Variants in ATG7 observed in about 807,000 individuals in gnomAD.
The protein encoded by ATG7 is ubiquitin-like modifier-activating enzyme ATG7.
ATG7 carries 70 observed loss-of-function variants against 82.4 expected under a neutral mutation model. That is an observed-to-expected ratio of 0.85 (90% confidence interval 0.70 to 1.04). The LOEUF (loss-of-function observed/expected upper bound fraction) is 1.04, where lower values mean the gene tolerates loss of function less well. Ranked by LOEUF, ATG7 falls within the 50% of genes least tolerant of loss-of-function variation. The probability of loss-of-function intolerance (pLI) is 0.00; values close to 1 mark genes in which losing one functional copy is unlikely to be tolerated. For synonymous variants in ATG7, 287 were observed against 313.0 expected (o/e 0.92, Z 0.88); for missense variants, 792 against 864.3 (o/e 0.92, Z 1.05).
At chr3:11,412,134 CCTGA>C (rs2080964684) in intron 19 of ATG7, among the ~76,000 whole-genome samples, 1 of 152,150 alleles carries the variant, frequency 6.6e-6, no homozygotes, top group African/African-American at 2.4e-5. Flanking sequence ...AATCCATCTC[CCTGA>C]CTGACTAAAA....
chr3:11,568,571 C>A, the ATG7 span: 1 of 1,554,920 alleles, frequency 6.4e-7, no homozygotes, highest in Non-Finnish European at 8.7e-7. This position sits in a 1 kb window ranked among gnomAD's most constrained non-coding sequence, Gnocchi z 5.9. Context: ...GGAGAACTGG[C>A]TGGTTAATTT....
intron 20 of ATG7, among the ~76,000 whole-genome samples, chr3:11,497,951 C>G (rs1009184303): frequency 1.3e-5 from 2 of 152,124 alleles, no homozygotes; most frequent in African/African-American, 4.8e-5. Context: ...AAGACTGGAC[C>G]TGACTCGTCG....
rs191985805 is a variant in ATG7 at position 11,552,029 on chromosome 3, G to C, written c.2080-2782G>C. Among the ~76,000 whole-genome samples, 911 of 152,310 alleles carry C rather than the reference G, an allele frequency of 6.0e-3. 8 individuals are homozygous for C. The highest frequency in any genetic ancestry group is 8.8e-3 in the Non-Finnish European group (598 of 68,042). On this transcript the variant is annotated intron_variant, in intron 20 of 20. Transcript: ENST00000693202. ...CTCCCGAAGTGCTGGGATTACAGGC[G>C]TGCGCCACCACGCCCGGCCTCTTTC...
chr3:11,339,307 AAAAAAAG>A (rs1559425819), intron 11 of ATG7, among the ~76,000 whole-genome samples: 5 of 145,248 alleles, frequency 3.4e-5, no homozygotes, highest in Non-Finnish European at 3.0e-5. Context: ...AAAAAAAAAA[AAAAAAAG>A]AAAAGAAAAG....
intron 20 of ATG7, among the ~76,000 whole-genome samples, chr3:11,527,769 A>G (rs2092615368): frequency 6.6e-6 from 1 of 152,248 alleles, no homozygotes; most frequent in Non-Finnish European, 1.5e-5. Flanking sequence ...TAACACTCTT[A>G]GTTTTAATTT....
intron 20 of ATG7, among the ~76,000 whole-genome samples, chr3:11,474,607 C>G (rs1559699817): frequency 6.6e-6 from 1 of 151,902 alleles, no homozygotes; most frequent in Non-Finnish European, 1.5e-5. Flanking sequence ...CTCCCCATCT[C>G]AAAAAAAGAA....
chr3:11,358,482 C>T lies in ATG7; in HGVS notation c.1349C>T (p.Thr450Ile). ...PGHPVNFSSV[T>I]LEQARRDVEQ... ...CATCCAGTGAACTTCTCCAGTGTCA[C>T]TCTGGAGCAAGCCCGCAGAGATGTG... The change falls in exon 15 of 21, where the codon ACT (threonine) becomes ATT (isoleucine). Residue 450 changes from threonine to isoleucine, a missense_variant. Thr to Ile is a moderately conservative substitution (Grantham distance 89). Coordinates refer to ENST00000693202, the MANE Select transcript of ATG7 (RefSeq NM_001349232.2). 1.2e-6 allele frequency: 2 copies of T among 1,614,128 alleles called. No homozygotes were observed. Among genetic ancestry groups the T allele is most frequent in the Non-Finnish European group, 1.7e-6 (2 of 1,179,996 alleles).
chr3:11,548,364 C>T (rs910410634), intron 20 of ATG7, among the ~76,000 whole-genome samples: 14 of 151,954 alleles, frequency 9.2e-5, no homozygotes, highest in Admixed American at 7.9e-4. Context: ...TTAATAGTGT[C>T]CTTGGAAGCA....
chr3:11,572,962 G>GT, the ATG7 span, among the ~76,000 whole-genome samples: 1 of 152,204 alleles, frequency 6.6e-6, no homozygotes, highest in East Asian at 1.9e-4. Flanking sequence ...GAGGTCAGGA[G>GT]TTTGAGACCG....
intron 20 of ATG7, among the ~76,000 whole-genome samples, chr3:11,445,451 T>G (rs2084452109): frequency 6.6e-6 from 1 of 152,180 alleles, no homozygotes; most frequent in African/African-American, 2.4e-5. Context: ...TAATACCATA[T>G]GTTATCACTT....
intron 20 of ATG7, 121 bp from the exon 21 acceptor site, chr3:11,554,690 A>G: frequency 1.6e-6 from 2 of 1,228,284 alleles, no homozygotes; most frequent in Non-Finnish European, 1.1e-6. Context: ...ACAGTCCCTC[A>G]GAAACAAGGG....
intron 10 of ATG7, among the ~76,000 whole-genome samples, chr3:11,332,541 A>G (rs1463413589): frequency 6.6e-6 from 1 of 152,208 alleles, no homozygotes; most frequent in Non-Finnish European, 1.5e-5. Flanking sequence ...GTAAGTCTAC[A>G]CAGTGCAAAT....
At chr3:11,299,585 G>A (rs1559349653) in intron 5 of ATG7, among the ~76,000 whole-genome samples, 169 bp downstream of exon 5, 1 of 152,142 alleles carries the variant, frequency 6.6e-6, no homozygotes. Context: ...ATGAGTGCTG[G>A]ATACTTAGGT....
intron 8 of ATG7, among the ~76,000 whole-genome samples, chr3:11,314,689 C>T (rs966968007): frequency 6.6e-6 from 1 of 152,154 alleles, no homozygotes; most frequent in African/African-American, 2.4e-5. Context: ...AATTCCAGCA[C>T]TTTGGAACGC....
At chr3:11,378,892 A>G (rs1032080953) in intron 18 of ATG7, among the ~76,000 whole-genome samples, 4 of 151,912 alleles carry the variant, frequency 2.6e-5, no homozygotes, top group African/African-American at 9.7e-5. Context: ...GGGAGAGGGC[A>G]TGGTGTTAAT....
chr3:11,407,243 A>G (rs937711551), intron 19 of ATG7, among the ~76,000 whole-genome samples: 4 of 152,214 alleles, frequency 2.6e-5, no homozygotes, highest in Non-Finnish European at 4.4e-5. Flanking sequence ...TAAAGCTCCA[A>G]AATGATCTCC....
At chr3:11,543,177 TG>T (rs1253240706) in intron 20 of ATG7, among the ~76,000 whole-genome samples, 2 of 152,264 alleles carry the variant, frequency 1.3e-5, no homozygotes, top group Non-Finnish European at 2.9e-5. Context: ...GGCTGCCCGA[TG>T]TTCCTTGTGT....
At chr3:11,411,919 T>A (rs1247068184) in intron 19 of ATG7, among the ~76,000 whole-genome samples, 1 of 152,108 alleles carries the variant, frequency 6.6e-6, no homozygotes, top group African/African-American at 2.4e-5. Flanking sequence ...GAGTCCAATT[T>A]CCTTCTTTTG....
At chr3:11,323,804 T>C (rs1308803049) in intron 9 of ATG7, among the ~76,000 whole-genome samples, 1 of 152,256 alleles carries the variant, frequency 6.6e-6, no homozygotes, top group Non-Finnish European at 1.5e-5. Context: ...TCTGTGACTT[T>C]GAAGTGCATT....
Sources: allele counts gnomAD v4.1 joint callset (sites outside exome capture counted in the v4.1 genomes callset), GRCh38; gene constraint gnomAD v4.1.1; non-coding constraint Gnocchi (gnomAD v3.1); transcripts MANE v1.5; gene names NCBI Gene and HGNC (gene_info 2026-07-23, HGNC 2026-07-21).